Variants in TMEM178A observed in about 807,000 individuals in gnomAD.
TMEM178A encodes transmembrane protein 178A, also known as transmembrane protein 178.
In TMEM178A, 12 loss-of-function variants were observed where a neutral mutation model predicts 29.1. The observed-to-expected ratio is 0.41, with a 90% confidence interval of 0.26 to 0.67. The LOEUF (loss-of-function observed/expected upper bound fraction) is 0.67, where lower values mean the gene tolerates loss of function less well. TMEM178A is among the 30% of genes least tolerant of loss of function. The probability of loss-of-function intolerance (pLI) is 0.29; values close to 1 mark genes in which losing one functional copy is unlikely to be tolerated. For synonymous variants in TMEM178A, 210 were observed against 187.2 expected (o/e 1.12, Z -0.99); for missense variants, 366 against 419.1 (o/e 0.87, Z 1.11).
At chr2:39,713,780 C>A (rs1226949060) in intron 3 of TMEM178A, among the ~76,000 whole-genome samples, 1 of 152,186 alleles carries the variant, frequency 6.6e-6, no homozygotes, top group Non-Finnish European at 1.5e-5. Context: ...GTATGTGGAA[C>A]CTGAAATAGA....
At chr2:39,674,830 C>T (rs975444276) in intron 1 of TMEM178A, among the ~76,000 whole-genome samples, 2 of 151,476 alleles carry the variant, frequency 1.3e-5, no homozygotes, top group African/African-American at 4.9e-5. Context: ...CTCTCTCTCT[C>T]TTTTTTTTTC....
the TMEM178A span, among the ~76,000 whole-genome samples, chr2:39,725,456 A>G: frequency 1.3e-5 from 2 of 152,166 alleles, no homozygotes. Context: ...ACAAAGGAAG[A>G]AAAAAATCTT....
the TMEM178A span, among the ~76,000 whole-genome samples, chr2:39,725,323 A>G: frequency 6.6e-6 from 1 of 152,204 alleles, no homozygotes; most frequent in African/African-American, 2.4e-5. Flanking sequence ...CTTTAAAGCA[A>G]TTAGCCTGTG....
intron 1 of TMEM178A, among the ~76,000 whole-genome samples, chr2:39,666,733 T>C (rs1281904581): frequency 2.0e-5 from 3 of 152,346 alleles, no homozygotes; most frequent in East Asian, 3.9e-4. Flanking sequence ...GTGTCTTTTC[T>C]TGACGCTGCT....
At chr2:39,735,854 T>C in the TMEM178A span, among the ~76,000 whole-genome samples, 2 of 152,224 alleles carry the variant, frequency 1.3e-5, no homozygotes. Context: ...ACAAATGCCA[T>C]AGCTTGCACA....
chr2:39,734,972 T>C, the TMEM178A span, among the ~76,000 whole-genome samples: 1 of 152,226 alleles, frequency 6.6e-6, no homozygotes. Flanking sequence ...CATTTTCTTT[T>C]GCCTGAATCA....
chr2:39,718,783 G>A (rs540773867), downstream of TMEM178A, among the ~76,000 whole-genome samples: 3 of 152,176 alleles, frequency 2.0e-5, no homozygotes, highest in South Asian at 2.1e-4. Context: ...TGGGGCACTC[G>A]CCGACTTCTA....
intron 1 of TMEM178A, among the ~76,000 whole-genome samples, chr2:39,694,840 C>T (rs948250622): frequency 5.3e-5 from 8 of 152,070 alleles, no homozygotes; most frequent in South Asian, 2.1e-4. Flanking sequence ...ATATTTCTAC[C>T]GGACAGAGCT....
At chr2:39,727,067 C>T in the TMEM178A span, among the ~76,000 whole-genome samples, 17 of 152,284 alleles carry the variant, frequency 1.1e-4, no homozygotes, top group East Asian at 1.9e-4. Context: ...ATGTTTTCCT[C>T]GACTCAGCTC....
Position 39,666,274 on chromosome 2 carries a change from C to T in TMEM178A, c.300C>T (p.Asp100=). 3 of 1,393,578 alleles carry T rather than the reference C, an allele frequency of 2.2e-6. No homozygotes were observed. The highest frequency in any genetic ancestry group is 2.8e-6 in the Non-Finnish European group (3 of 1,072,772). The allele number at this position is 1,393,578 out of a possible 1,614,324, so 86.3% of individuals were successfully genotyped here. A position where few individuals can be genotyped will look rare whatever the true frequency, so the allele number is the denominator to read the frequency against. The change falls in exon 1 of 4, where the codon GAC becomes GAT. Residue 100 remains aspartate (D), a synonymous_variant. Coordinates refer to ENST00000281961, the MANE Select transcript of TMEM178A (RefSeq NM_152390.3). ...CGCTCCTGGGGCTCGGCGGGCTGGA[C>T]GCCGAGTGCGGCCGGCCCCTCTTCG... ...WRSLLGLGGL[D]AECGRPLFAT...
Position 39,666,017 on chromosome 2 carries a change from A to G in TMEM178A, c.43A>G (p.Ser15Gly). ...CGTCACGGCGCTCAGCCTCGGCCTCAGCCTGTGCTCCCTGGGGCTGCTCGT... is the reference window on the plus strand; with the variant it reads ...CGTCACGGCGCTCAGCCTCGGCCTCGGCCTGTGCTCCCTGGGGCTGCTCGT... ...ALVTALSLGLSLCSLGLLVTA... is the reference protein window; with the variant it reads ...ALVTALSLGLGLCSLGLLVTA... Residue 15 changes from serine (S) to glycine (G), a missense_variant, in exon 1 of 4, where the codon AGC becomes GGC. Ser to Gly is a moderately conservative substitution (Grantham distance 56, BLOSUM62 0). Transcript: ENST00000281961. 2 of 1,534,020 alleles carry G rather than the reference A, an allele frequency of 1.3e-6. No homozygotes were observed. The highest frequency in any genetic ancestry group is 1.7e-6 in the Non-Finnish European group (2 of 1,143,818).
In TMEM178A at chr2:39,717,236, A is replaced by G. The variant is rs759578702; in HGVS notation, c.879A>G (p.Arg293=). ...AGATTGCACAGCTAAAGTCTGGCAG[A>G]GACTCCACGGTATGACTGTCCTCAC... ...RTKIAQLKSG[R]DSTV Residue 293 remains arginine, a synonymous_variant, in exon 4 of 4, where the codon AGA becomes AGG. Transcript: ENST00000281961. 2.4e-5 allele frequency: 38 copies of G among 1,613,566 alleles called. No homozygotes were observed. Among genetic ancestry groups the G allele is most frequent in the Non-Finnish European group, 3.0e-5 (35 of 1,179,974 alleles).
downstream of TMEM178A, among the ~76,000 whole-genome samples, chr2:39,722,933 CTCAA>C (rs1167230803): frequency 6.6e-6 from 1 of 152,122 alleles, no homozygotes; most frequent in Non-Finnish European, 1.5e-5. Flanking sequence ...GGTAAATTCC[CTCAA>C]TATCTGGCTA....
the TMEM178A span, among the ~76,000 whole-genome samples, chr2:39,729,291 T>C: frequency 5.3e-3 from 802 of 152,280 alleles, 6 homozygotes; most frequent in African/African-American, 0.018. Flanking sequence ...TGAGGCCAGA[T>C]GCTTCTGCTG....
chr2:39,697,012 G>T (rs960395275), intron 1 of TMEM178A, among the ~76,000 whole-genome samples: 2 of 152,040 alleles, frequency 1.3e-5, no homozygotes, highest in African/African-American at 4.8e-5. Flanking sequence ...CAGATTCATT[G>T]CTCTCTAAAC....
At chr2:39,667,624 G>A (rs2148049057) in intron 1 of TMEM178A, among the ~76,000 whole-genome samples, 1 of 152,290 alleles carries the variant, frequency 6.6e-6, no homozygotes, top group East Asian at 1.9e-4. Context: ...TAATGTGTTG[G>A]CCTTCAGAGT....
At chr2:39,676,700 A>T (rs1297946737) in intron 1 of TMEM178A, among the ~76,000 whole-genome samples, 1 of 152,198 alleles carries the variant, frequency 6.6e-6, no homozygotes, top group African/African-American at 2.4e-5. Flanking sequence ...TTGGTCAGCC[A>T]CGGAAGAGGG....
intron 3 of TMEM178A, among the ~76,000 whole-genome samples, chr2:39,708,504 C>T (rs1302275682): frequency 2.0e-5 from 3 of 146,622 alleles, no homozygotes; most frequent in South Asian, 2.3e-4. Context: ...CTGCAAGCTC[C>T]GCCTCCCGGG....
Position 39,678,086 on chromosome 2 carries a change from T to A in TMEM178A, c.400+11712T>A, listed in dbSNP as rs79833916. On this transcript the variant is annotated intron_variant, in intron 1 of 3. Transcript: ENST00000281961. ...ATCTTCAGGGAACCATCTCCATAGATCTTGTTTCCTTAAATATCCATTAGG... is the reference window on the plus strand; with the variant it reads ...ATCTTCAGGGAACCATCTCCATAGAACTTGTTTCCTTAAATATCCATTAGG... 1.1e-4 allele frequency among the ~76,000 whole-genome samples: 16 copies of A among 152,338 alleles called. No homozygotes were observed. The East Asian group carries it at 2.7e-3, about 26-fold the overall frequency.
Sources: gnomAD v4.1 joint callset for allele counts (sites outside exome capture counted in the v4.1 genomes callset) on GRCh38, gnomAD v4.1.1 for gene constraint, MANE v1.5 for transcripts, NCBI Gene and HGNC (gene_info 2026-07-23, HGNC 2026-07-21) for gene names.